POFUT3: variants seen among roughly 807,000 people sequenced by gnomAD.
POFUT3 encodes the protein GDP-fucose protein O-fucosyltransferase 3.
At chr8:33,427,057 A>G in the POFUT3 span, among the ~76,000 whole-genome samples, 1 of 152,230 alleles carries the variant, frequency 6.6e-6, no homozygotes, top group East Asian at 1.9e-4. Flanking sequence ...GCAAACAAGC[A>G]TACAGCCCCC....
the POFUT3 span, among the ~76,000 whole-genome samples, chr8:33,311,973 A>T: frequency 6.6e-6 from 1 of 152,202 alleles, no homozygotes; most frequent in Non-Finnish European, 1.5e-5. Context: ...CTTTACAAGA[A>T]GAGAGAAATT....
At chr8:33,453,129 C>T in the POFUT3 span, 1 of 1,338,118 alleles carries the variant, frequency 7.5e-7, no homozygotes, top group East Asian at 2.3e-5. Flanking sequence ...AAGGGGAGCT[C>T]CACCATCACT....
chr8:33,452,288 A>G, the POFUT3 span: 2 of 152,132 alleles, frequency 1.3e-5, no homozygotes, highest in Non-Finnish European at 2.9e-5. Context: ...CTTAGTTTTG[A>G]GGTTTATCAA....
chr8:33,317,675 C>G, the POFUT3 span, among the ~76,000 whole-genome samples: 1 of 152,092 alleles, frequency 6.6e-6, no homozygotes, highest in Non-Finnish European at 1.5e-5. Context: ...ATTCTCTTTG[C>G]TGGTTGCCCT....
chr8:33,442,304 G>A, the POFUT3 span, among the ~76,000 whole-genome samples: 1 of 126,858 alleles, frequency 7.9e-6, no homozygotes, highest in Non-Finnish European at 1.7e-5. Context: ...TTTTTTTGGG[G>A]GGGGACAGAG....
the POFUT3 span, among the ~76,000 whole-genome samples, chr8:33,386,723 T>G: frequency 6.7e-3 from 1,026 of 152,164 alleles, 14 homozygotes; most frequent in African/African-American, 0.023. Context: ...AGCAGGAGAA[T>G]GGCGTGAACC....
the POFUT3 span, among the ~76,000 whole-genome samples, chr8:33,399,834 T>G: frequency 6.6e-6 from 1 of 151,726 alleles, no homozygotes; most frequent in African/African-American, 2.4e-5. Context: ...TTGTATTTTT[T>G]GTAGAGACGG....
the POFUT3 span, among the ~76,000 whole-genome samples, chr8:33,335,151 A>ATGTG: frequency 0.049 from 7,184 of 145,818 alleles, 430 homozygotes; most frequent in African/African-American, 0.15. Flanking sequence ...AAAGAAATAT[A>ATGTG]TGTGTGTGTG....
At chr8:33,367,843 C>T in the POFUT3 span, among the ~76,000 whole-genome samples, 433 of 152,162 alleles carry the variant, frequency 2.8e-3, 5 homozygotes, top group African/African-American at 9.8e-3. Flanking sequence ...ATTAATATTA[C>T]CCCCTACATA....
chr8:33,327,856 G>A, the POFUT3 span, among the ~76,000 whole-genome samples: 4 of 152,288 alleles, frequency 2.6e-5, no homozygotes, highest in South Asian at 4.1e-4. Flanking sequence ...TCAGGGCAGC[G>A]TGACAGATTT....
the POFUT3 span, among the ~76,000 whole-genome samples, chr8:33,395,204 G>T: frequency 6.6e-6 from 1 of 152,212 alleles, no homozygotes; most frequent in South Asian, 2.1e-4. Flanking sequence ...CTGGACCCTC[G>T]GCCCTAAATG....
chr8:33,322,856 G>A, the POFUT3 span, among the ~76,000 whole-genome samples: 3 of 152,154 alleles, frequency 2.0e-5, no homozygotes, highest in East Asian at 1.9e-4. Context: ...CTTGGCAAGG[G>A]AGGTGCATTC....
chr8:33,401,835 C>G, the POFUT3 span, among the ~76,000 whole-genome samples: 1 of 152,094 alleles, frequency 6.6e-6, no homozygotes, highest in African/African-American at 2.4e-5. Flanking sequence ...TGAGACCAGC[C>G]TGGCCAACAT....
the POFUT3 span, among the ~76,000 whole-genome samples, chr8:33,330,832 C>T: frequency 6.6e-6 from 1 of 152,098 alleles, no homozygotes; most frequent in African/African-American, 2.4e-5. Context: ...CCAGGCGTGC[C>T]ATGGTGTTTC....
At chr8:33,360,307 G>T in the POFUT3 span, among the ~76,000 whole-genome samples, 1 of 151,804 alleles carries the variant, frequency 6.6e-6, no homozygotes, top group Non-Finnish European at 1.5e-5. Context: ...TTAGCCGGGC[G>T]TGGTGGCGGG....
At chr8:33,428,634 T>TC in the POFUT3 span, among the ~76,000 whole-genome samples, 7,148 of 152,208 alleles carry the variant, frequency 0.047, 276 homozygotes, top group African/African-American at 0.1. Context: ...AAAGCATGTG[T>TC]TGGAAACTTA....
At chr8:33,381,961 C>T in the POFUT3 span, among the ~76,000 whole-genome samples, 3 of 152,114 alleles carry the variant, frequency 2.0e-5, no homozygotes, top group Non-Finnish European at 4.4e-5. Context: ...CGAATCAGAG[C>T]GCACCTTCAA....
the POFUT3 span, chr8:33,361,513 AG>A: frequency 6.6e-6 from 1 of 152,354 alleles, no homozygotes; most frequent in African/African-American, 2.4e-5. Flanking sequence ...CTATCATATG[AG>A]GCGTCCACAA....
the POFUT3 span, among the ~76,000 whole-genome samples, chr8:33,435,495 C>T: frequency 7.5e-4 from 113 of 151,010 alleles, no homozygotes; most frequent in African/African-American, 1.1e-3. Context: ...AGATTACAGG[C>T]GTGAGCCACC....
Sources: allele counts gnomAD v4.1 joint callset (sites outside exome capture counted in the v4.1 genomes callset), GRCh38; gene constraint gnomAD v4.1.1; transcripts MANE v1.5; gene names NCBI Gene and HGNC (gene_info 2026-07-23, HGNC 2026-07-21).